The following BCR variants were observed in gnomAD, a reference collection of about 807,000 sequenced individuals.
BCR encodes breakpoint cluster region protein.
In BCR, 58 loss-of-function variants were observed where a neutral mutation model predicts 138.6. That is an observed-to-expected ratio of 0.42 (90% CI 0.34 to 0.52). BCR has a LOEUF of 0.52. BCR is among the 20% of genes least tolerant of loss of function. The probability of loss-of-function intolerance (pLI) is 0.06; values close to 1 mark genes in which losing one functional copy is unlikely to be tolerated. For missense variants in BCR, 1,599 were observed against 1,727.2 expected (o/e 0.93, Z 1.32); for synonymous variants, 786 against 730.1 (o/e 1.08, Z -1.23).
rs755634355 is a variant in BCR, at chr22:23,284,998, G to A, written c.2238-35G>A. 44 of 1,596,982 alleles carry A rather than the reference G, an allele frequency of 2.8e-5. No individual in the cohort carries two copies. The Admixed American group carries it at 5.4e-4, about 20-fold the overall frequency. On this transcript the variant is annotated intron_variant, in intron 9 of 22. Coordinates refer to ENST00000305877, the MANE Select transcript of BCR (RefSeq NM_004327.4). The stretch of plus-strand genomic sequence containing the variant: ...GTGACATCAGCCATAGAAGGCAGTC[G>A]GTGCATGTGAACGTTCTTCTCTCCC...
chr22:23,180,888 T>C lies in BCR; in HGVS notation c.-73T>C, dbSNP rs1347868530. ...GGCCGCCCGGCGCCCGGGGCCGGGC[T>C]GGCGAGGCGCCGCGCCGCCGCTGAG... On this transcript the variant is annotated 5_prime_UTR_variant, in exon 1 of 23. Coordinates refer to ENST00000305877, the MANE Select transcript of BCR (RefSeq NM_004327.4). The C allele has an allele frequency of 3.6e-6, 3 of 822,278 alleles. No individual in the cohort carries two copies. The African/African-American group carries it at 1.9e-4, about 53-fold the overall frequency. The allele number at this position is 822,278 out of a possible 1,614,324, so 50.9% of individuals were successfully genotyped here. A position where few individuals can be genotyped will look rare whatever the true frequency, so the allele number is the denominator to read the frequency against.
At chr22:23,276,670 G>T (rs934508133) in intron 8 of BCR, among the ~76,000 whole-genome samples, 1 of 152,254 alleles carries the variant, frequency 6.6e-6, no homozygotes, top group Non-Finnish European at 1.5e-5. Flanking sequence ...ATAGATGCCT[G>T]TGCTTTGCCC....
At chr22:23,264,439 T>G in intron 4 of BCR, 1 of 679,758 alleles carries the variant, frequency 1.5e-6, no homozygotes, top group South Asian at 1.7e-5. Flanking sequence ...GCAGTGATAG[T>G]TCCTCCCCAC....
intron 1 of BCR, among the ~76,000 whole-genome samples, chr22:23,246,362 T>C (rs961358023): frequency 6.6e-6 from 1 of 152,076 alleles, no homozygotes; most frequent in African/African-American, 2.4e-5. Flanking sequence ...AGCCCAGGAG[T>C]TCGAGACTAT....
intron 1 of BCR, among the ~76,000 whole-genome samples, chr22:23,193,851 A>T (rs996776570): frequency 3.9e-5 from 6 of 152,224 alleles, no homozygotes; most frequent in Non-Finnish European, 8.8e-5. Flanking sequence ...TGGAGGGCTC[A>T]GGTCACCCGC....
At chr22:23,310,701 C>T (rs1053454389) in intron 18 of BCR, among the ~76,000 whole-genome samples, 1 of 152,216 alleles carries the variant, frequency 6.6e-6, no homozygotes, top group Non-Finnish European at 1.5e-5. Context: ...GAATTTATCA[C>T]GGTCCCAGAT....
chr22:23,275,682 G>A (rs868456778), intron 8 of BCR, among the ~76,000 whole-genome samples: 23 of 152,226 alleles, frequency 1.5e-4, no homozygotes, highest in African/African-American at 5.3e-4. Context: ...CCTGTGGGCA[G>A]TCCACACAGA....
In BCR at chr22:23,271,648, C is replaced by T. The variant is rs143836842; in HGVS notation, c.1921+56C>T. 2.3e-5 allele frequency: 36 copies of T among 1,561,850 alleles called. No homozygotes were observed. In the African/African-American group the frequency reaches 3.4e-4, roughly 15 times the overall value. On this transcript the variant is annotated intron_variant, in intron 6 of 22. Coordinates refer to ENST00000305877, the MANE Select transcript of BCR (RefSeq NM_004327.4). The stretch of plus-strand genomic sequence containing the variant: ...CCCTCGTCAGGGAGGCTGCTGCTGG[C>T]AGAGGGGGCGTTGTGGAAAAGCAGA...
At chr22:23,222,725 A>G (rs956395381) in intron 1 of BCR, among the ~76,000 whole-genome samples, 1 of 152,146 alleles carries the variant, frequency 6.6e-6, no homozygotes, top group African/African-American at 2.4e-5. Context: ...TCAAGAGCCC[A>G]AGCCTTCCTC....
chr22:23,204,509 A>G (rs2072589614), intron 1 of BCR, among the ~76,000 whole-genome samples: 2 of 152,058 alleles, frequency 1.3e-5, no homozygotes. Context: ...TTCCCAGCAA[A>G]TTATTTGGAA....
At chr22:23,287,022 C>G in intron 10 of BCR, 137 bp from the exon 11 acceptor site, 1 of 1,445,064 alleles carries the variant, frequency 6.9e-7, no homozygotes, top group Non-Finnish European at 9.3e-7. Flanking sequence ...GTCTGGGGCC[C>G]TGGTCTGTGC....
In BCR at chr22:23,181,607, A is replaced by G. The variant is rs752351536; in HGVS notation, c.647A>G (p.Gln216Arg). Residue 216 changes from glutamine to arginine, a missense_variant, in exon 1 of 23, where the codon CAG (glutamine) becomes CGG (arginine). Around this residue, in one of 4 missense-constraint regions of BCR, gnomAD observed 806 missense variants for 635.0 expected, o/e 1.27. Coordinates refer to ENST00000305877, the MANE Select transcript of BCR (RefSeq NM_004327.4). ...QAMQMERKKS[Q>R]HGAGSSVGDA... ...ATGCAGATGGAGCGCAAAAAGTCCC[A>G]GCACGGCGCGGGCTCGAGCGTGGGG... is the stretch of plus-strand genomic sequence containing the variant. The G allele has an allele frequency of 1.3e-5, 21 of 1,612,270 alleles. 1 individual carries two copies. The highest frequency in any genetic ancestry group is 2.7e-5 in the African/African-American group (2 of 74,932).
rs756465262 is a variant in BCR, at chr22:23,311,691, C to T, written c.3183-6C>T. 6.3e-7 allele frequency: 1 copy of T among 1,588,714 alleles called. No individual in the cohort carries two copies. Among genetic ancestry groups the T allele is most frequent in the South Asian group, 1.1e-5 (1 of 90,056 alleles). On this transcript the variant is annotated splice_region_variant and splice_polypyrimidine_tract_variant and intron_variant, in intron 18 of 22. Transcript: ENST00000305877. The stretch of plus-strand genomic sequence containing the variant: ...AGGACACTGAGAACATTCCCTCCTC[C>T]CGCAGGAGAGAGAGGTCCAAGGTGC...
chr22:23,270,510 C>G (rs1419186855), intron 5 of BCR, among the ~76,000 whole-genome samples: 1 of 152,156 alleles, frequency 6.6e-6, no homozygotes, highest in African/African-American at 2.4e-5. Context: ...GTTTGGCTCT[C>G]CCACCCCCTT....
intron 2 of BCR, among the ~76,000 whole-genome samples, chr22:23,259,533 T>G (rs1458967513): frequency 1.3e-5 from 2 of 151,288 alleles, no homozygotes; most frequent in African/African-American, 4.9e-5. Flanking sequence ...TTTTTTTTTT[T>G]GAGATGGAGT....
At chr22:23,258,768 C>T (rs1419969448) in intron 2 of BCR, among the ~76,000 whole-genome samples, 2 of 152,242 alleles carry the variant, frequency 1.3e-5, no homozygotes, top group Non-Finnish European at 2.9e-5. Flanking sequence ...AGAGACTCCT[C>T]CGGGCCTAGA....
rs368984823 is a variant in BCR, at chr22:23,311,853, G to A, written c.3322+17G>A. 9.9e-6 allele frequency: 16 copies of A among 1,611,282 alleles called. No homozygotes were observed. The highest frequency in any genetic ancestry group is 1.7e-5 in the Admixed American group (1 of 60,002). ...TCGACGTCAGTGAGTGTTGGCCTGC[G>A]CAGGACGGGATGGAGGTGTGGGCAA... On this transcript the variant is annotated intron_variant, in intron 19 of 22. Coordinates refer to ENST00000305877, the MANE Select transcript of BCR (RefSeq NM_004327.4).
intron 1 of BCR, 112 bp from the exon 2 acceptor site, chr22:23,253,687 T>G: frequency 3.1e-6 from 4 of 1,309,624 alleles, no homozygotes; most frequent in Non-Finnish European, 3.2e-6. Context: ...GAGGTCGTTG[T>G]GAGATGCCTG....
At chr22:23,274,339 G>A (rs1233003783) in intron 8 of BCR, among the ~76,000 whole-genome samples, 1 of 152,182 alleles carries the variant, frequency 6.6e-6, no homozygotes, top group African/African-American at 2.4e-5. Context: ...GCACATCATC[G>A]ATGAGCAGGC....
Sources: gnomAD v4.1 joint callset for allele counts (sites outside exome capture counted in the v4.1 genomes callset) on GRCh38, gnomAD v4.1.1 for gene constraint, gnomAD v4.1.1 regional missense constraint, MANE v1.5 for transcripts, NCBI Gene and HGNC (gene_info 2026-07-23, HGNC 2026-07-21) for gene names.